AK8: variants seen among roughly 807,000 people sequenced by gnomAD.
The protein encoded by AK8 is adenylate kinase 8.
AK8 carries 44 observed loss-of-function variants against 54.6 expected under a neutral mutation model. That is an observed-to-expected ratio of 0.81 (90% CI 0.63 to 1.04). The LOEUF is 1.04. Ranked by LOEUF, AK8 falls within the 50% of genes least tolerant of loss-of-function variation. The pLI is 0.00. For missense variants in AK8, 555 were observed against 613.6 expected (o/e 0.90, Z 1.01); for synonymous variants, 239 against 245.6 (o/e 0.97, Z 0.25).
intron 1 of AK8, among the ~76,000 whole-genome samples, chr9:132,876,786 C>T (rs1844120827): frequency 6.6e-6 from 1 of 152,038 alleles, no homozygotes; most frequent in South Asian, 2.1e-4. Flanking sequence ...TGACTAAGGA[C>T]TGGAAATACT....
At chr9:132,805,948 G>C (rs1388624090) in intron 10 of AK8, among the ~76,000 whole-genome samples, 2 of 151,872 alleles carry the variant, frequency 1.3e-5, no homozygotes, top group Non-Finnish European at 2.9e-5. Flanking sequence ...AATTACAGGG[G>C]GCATCCATTA....
At chr9:132,807,715 C>G (rs761299303) in intron 10 of AK8, among the ~76,000 whole-genome samples, 12 of 152,216 alleles carry the variant, frequency 7.9e-5, no homozygotes, top group Non-Finnish European at 1.3e-4. Flanking sequence ...CTTCAGACTT[C>G]TTTATGTTGG....
Position 132,845,077 on chromosome 9 carries a change from G to A in AK8, c.402+9780C>T, listed in dbSNP as rs190877698. 2.0e-4 allele frequency among the ~76,000 whole-genome samples: 30 copies of A among 152,304 alleles called. No homozygotes were observed. In the East Asian group the frequency reaches 2.9e-3, roughly 15 times the overall value. ...GGACTCCACAGCACACGGTCCTGCT[G>A]CCAATGCTACACTCCCAATCAAGGG... On this transcript the variant is annotated intron_variant, in intron 5 of 12. Coordinates refer to ENST00000298545, the MANE Select transcript of AK8 (RefSeq NM_152572.3).
chr9:132,767,716 C>A (rs911047037), intron 11 of AK8, among the ~76,000 whole-genome samples: 2 of 152,102 alleles, frequency 1.3e-5, no homozygotes, highest in African/African-American at 4.8e-5. Flanking sequence ...AAGTGTCCAT[C>A]CACGAATTAA....
intron 11 of AK8, among the ~76,000 whole-genome samples, chr9:132,736,812 T>C (rs1236544530): frequency 7.0e-6 from 1 of 143,634 alleles, no homozygotes; most frequent in African/African-American, 2.5e-5. Context: ...AGGCATAAAA[T>C]TTTGACACAT....
chr9:132,825,163 T>C (rs1841821894), intron 8 of AK8, among the ~76,000 whole-genome samples: 1 of 152,224 alleles, frequency 6.6e-6, no homozygotes. Context: ...AGTAAATAAC[T>C]AAGTTAATTA....
At chr9:132,806,718 A>G (rs1409212717) in intron 10 of AK8, among the ~76,000 whole-genome samples, 1 of 152,140 alleles carries the variant, frequency 6.6e-6, no homozygotes, top group Non-Finnish European at 1.5e-5. Flanking sequence ...CCCCCTTAAA[A>G]ATGCAGCACT....
rs567054980 is a variant in AK8, at chr9:132,875,211, G to A, written c.85-12C>T. 1.2e-6 allele frequency: 2 copies of A among 1,613,784 alleles called. No homozygotes were observed. The highest frequency in any genetic ancestry group is 1.3e-5 in the African/African-American group (1 of 74,904). ...TGCTCCAGCATGTTCTGTGGGTGCA[G>A]GGCAGACACCCAGGTGGTTAATACC... On this transcript the variant is annotated splice_polypyrimidine_tract_variant and intron_variant, in intron 1 of 12. Transcript: ENST00000298545.
chr9:132,862,644 T>A (rs1843436670), intron 4 of AK8, among the ~76,000 whole-genome samples: 1 of 152,060 alleles, frequency 6.6e-6, no homozygotes, highest in African/African-American at 2.4e-5. Context: ...ATACCTCTCA[T>A]CTGTGAGAAC....
rs1213728238 is a variant in AK8, at chr9:132,770,446, T to TG, written c.1121+22187dup. On this transcript the variant is annotated intron_variant, in intron 11 of 12. Transcript: ENST00000298545. The surrounding 1 kb of genome is among the most constrained non-coding windows in gnomAD (Gnocchi z 4.3). ...TGAATAAAGAGCCCAGAACGCTGGC[T>TG]GGGGTAGGGGGTGGGGCAGGGGCGA... 7.8e-5 allele frequency among the ~76,000 whole-genome samples: 11 copies of TG among 141,918 alleles called. No homozygotes were observed. Among genetic ancestry groups the TG allele is most frequent in the Non-Finnish European group, 1.5e-4 (10 of 64,940 alleles). The allele number at this position is 141,918 out of a possible 152,430, so 93.1% of individuals were successfully genotyped here. A position where few individuals can be genotyped will look rare whatever the true frequency, so the allele number is the denominator to read the frequency against.
At chr9:132,731,057 C>T (rs141060924) in intron 11 of AK8, among the ~76,000 whole-genome samples, 220 of 152,270 alleles carry the variant, frequency 1.4e-3, no homozygotes, top group Non-Finnish European at 2.2e-3. Flanking sequence ...TCCTGAAAGA[C>T]GGATCCCAAA....
chr9:132,776,719 C>T (rs1313808387), intron 11 of AK8, among the ~76,000 whole-genome samples: 1 of 152,094 alleles, frequency 6.6e-6, no homozygotes, highest in Admixed American at 6.5e-5. Context: ...AGATGAAGAG[C>T]TCAGAGTTAG....
At position 132,742,567 on chromosome 9, in the gene AK8, C is replaced by T. The variant is rs186998265; in HGVS notation, c.1122-15033G>A. Among the ~76,000 whole-genome samples the T allele has an allele frequency of 1.7e-4, 26 of 152,350 alleles. No homozygotes were observed. The East Asian group carries it at 4.8e-3, about 28-fold the overall frequency. On this transcript the variant is annotated intron_variant, in intron 11 of 12. Transcript: ENST00000298545. ...GCATGACAGGGGTACCAGCACCTGG[C>T]ATTTCTGCCCCTCGCAGCCCTCTGA...
chr9:132,789,317 G>A (rs1369637427), intron 11 of AK8, among the ~76,000 whole-genome samples: 1 of 150,256 alleles, frequency 6.7e-6, no homozygotes, highest in East Asian at 2.0e-4. Flanking sequence ...ATCAAATTTG[G>A]CTAGGTGCAG....
intron 11 of AK8, among the ~76,000 whole-genome samples, chr9:132,789,924 G>A (rs1839875895): frequency 6.6e-6 from 1 of 152,146 alleles, no homozygotes; most frequent in South Asian, 2.1e-4. Context: ...GATAGTCCAG[G>A]ATGACCTTTC....
intron 4 of AK8, among the ~76,000 whole-genome samples, chr9:132,856,616 T>C (rs1287556577): frequency 1.3e-5 from 2 of 152,168 alleles, no homozygotes; most frequent in Non-Finnish European, 2.9e-5. Flanking sequence ...CCAGCCACTG[T>C]GATTGATTCA....
At position 132,725,913 on chromosome 9, in the gene AK8, C is replaced by A. The variant is rs747724625; in HGVS notation, c.1215G>T (p.Met405Ile). 1.2e-6 allele frequency: 2 copies of A among 1,611,416 alleles called. No individual in the cohort carries two copies. The highest frequency in any genetic ancestry group is 1.7e-6 in the Non-Finnish European group (2 of 1,179,512). The change falls in exon 13 of 13, where the codon ATG (methionine) becomes ATT (isoleucine). Residue 405 changes from methionine (M) to isoleucine (I), a missense_variant. Transcript: ENST00000298545. ...DPVTGERYHL[M>I]YKPPPTMEIQ... ...TCTCCATGGTGGGAGGTGGCTTGTA[C>A]ATGAGGTGGTACCTGCAAGGGAGGA...
chr9:132,876,686 T>A (rs1844116236), intron 1 of AK8, among the ~76,000 whole-genome samples: 1 of 152,250 alleles, frequency 6.6e-6, no homozygotes, highest in South Asian at 2.1e-4. Flanking sequence ...AAATCCATAC[T>A]ATTTTTTAAC....
At chr9:132,766,475 G>A (rs1838730128) in intron 11 of AK8, among the ~76,000 whole-genome samples, 1 of 152,040 alleles carries the variant, frequency 6.6e-6, no homozygotes, top group African/African-American at 2.4e-5. Flanking sequence ...ATAAAACACT[G>A]GTGAAAGAAA....
Sources: allele counts gnomAD v4.1 joint callset (sites outside exome capture counted in the v4.1 genomes callset), GRCh38; gene constraint gnomAD v4.1.1; non-coding constraint Gnocchi (gnomAD v3.1); transcripts MANE v1.5; gene names NCBI Gene and HGNC (gene_info 2026-07-23, HGNC 2026-07-21).